Variants in OBSL1 observed in about 807,000 individuals in gnomAD.
The protein encoded by OBSL1 is obscurin-like protein 1.
OBSL1 carries 160 observed loss-of-function variants against 172.0 expected under a neutral mutation model. That is an observed-to-expected ratio of 0.93 (90% CI 0.82 to 1.06). The LOEUF (loss-of-function observed/expected upper bound fraction) is 1.06. Ranked by LOEUF, OBSL1 falls within the 50% of genes least tolerant of loss-of-function variation. The pLI is 0.00. For missense variants in OBSL1, 2,681 were observed against 2,715.4 expected, an observed-to-expected ratio of 0.99 and a Z score of 0.28; for synonymous variants, 1,200 against 1,196.3, an observed-to-expected ratio of 1.00 and a Z score of -0.06.
At chr2:219,553,785 G>C in intron 15 of OBSL1, 99 bp from the exon 16 acceptor site, 1 of 748,014 alleles carries the variant, frequency 1.3e-6, no homozygotes, top group African/African-American at 1.7e-5. Flanking sequence ...AGGCAGTAGA[G>C]GACACTAGCG....
chr2:219,565,648 G>T, intron 5 of OBSL1, 134 bp from the exon 6 acceptor site: 1 of 812,658 alleles, frequency 1.2e-6, no homozygotes, highest in Non-Finnish European at 1.9e-6. Flanking sequence ...ACCCTTAAGA[G>T]CAGTGCTTTG....
At chr2:219,561,109 G>A (rs1232482397) in intron 8 of OBSL1, among the ~76,000 whole-genome samples, 1 of 152,172 alleles carries the variant, frequency 6.6e-6, no homozygotes, top group Admixed American at 6.5e-5. Flanking sequence ...GGCCTCTTAG[G>A]CATTGTGGGC....
chr2:219,571,425 G>C lies in OBSL1; in HGVS notation c.-193C>G, dbSNP rs527279148. 3 of 337,096 alleles carry C rather than the reference G, an allele frequency of 8.9e-6. No individual in the cohort carries two copies. The Admixed American group carries it at 1.5e-4, about 17-fold the overall frequency. The allele number at this position is 337,096 out of a possible 1,614,324, so 20.9% of individuals were successfully genotyped here. A position where few individuals can be genotyped will look rare whatever the true frequency, so the allele number is the denominator to read the frequency against. ...CCCCGAGCTGCAGCTCTGCGGCGGC[G>C]GCGGCGGCGATTCCCGGGCCCGAAG... is the stretch of plus-strand genomic sequence containing the variant. On this transcript the variant is annotated 5_prime_UTR_variant, in exon 1 of 21. Transcript: ENST00000404537.
intron 6 of OBSL1, 128 bp downstream of exon 6, chr2:219,565,112 CAT>C (rs1384722596): frequency 1.3e-5 from 12 of 929,138 alleles, no homozygotes; most frequent in Non-Finnish European, 1.9e-5. Context: ...TTATCTGAAA[CAT>C]GTCCCCTGGG....
In OBSL1 at chr2:219,570,633, C is replaced by T. The variant is rs373739744; in HGVS notation, c.600G>A (p.Arg200=). 1.1e-3 allele frequency: 1,589 copies of T among 1,511,244 alleles called. 32 individuals are homozygous for T. The South Asian group carries it at 0.019, about 18-fold the overall frequency. 93.6% of individuals were successfully genotyped at this position (1,511,244 alleles called of 1,614,324 possible). ...ASLALRILAA[R]LPDSGVYVCH... is the part of the protein sequence containing the mutation. ...ACACGTAGACGCCGGAATCCGGCAG[C>T]CGAGCCGCCAGGATGCGCAGTGCCA... is the stretch of plus-strand genomic sequence containing the variant. The change falls in exon 1 of 21, where the codon CGG becomes CGA. Residue 200 remains arginine (R), a synonymous_variant. Coordinates refer to ENST00000404537, the MANE Select transcript of OBSL1 (RefSeq NM_015311.3).
downstream of OBSL1, chr2:219,549,943 T>C (rs1695516954): frequency 6.5e-7 from 1 of 1,535,524 alleles, no homozygotes; most frequent in Non-Finnish European, 8.9e-7. Context: ...TGGCTTTGGC[T>C]GTCCCTCTCC....
intron 19 of OBSL1, 149 bp from the exon 20 acceptor site, chr2:219,551,947 C>A (rs1283434683): frequency 3.3e-6 from 3 of 907,728 alleles, no homozygotes; most frequent in Non-Finnish European, 3.4e-6. Context: ...CCAAAGTCTC[C>A]TCTTGCCGGG....
At chr2:219,562,088 C>T (rs1696522054) in intron 8 of OBSL1, 1 of 704,730 alleles carries the variant, frequency 1.4e-6, no homozygotes. Flanking sequence ...TAACAGCTGC[C>T]TCCTCACCTA....
At position 219,554,600 on chromosome 2, in the gene OBSL1, T is replaced by G. The variant is rs1233221365; in HGVS notation, c.4750A>C (p.Lys1584Gln). 1 of 1,613,102 alleles carries G rather than the reference T, an allele frequency of 6.2e-7. No homozygotes were observed. The highest frequency in any genetic ancestry group is 1.3e-5 in the African/African-American group (1 of 74,882). ...TGGCCGTCCGAGTGGATGTGACACT[T>G]GGGTCCTGGATACAGCTGTACTCCA... ...RGGVQLYPGP[K>Q]CHIHSDGHRH... The change falls in exon 15 of 21, where the codon AAG becomes CAG. Residue 1584 changes from lysine (K) to glutamine (Q), a missense_variant. Coordinates refer to ENST00000404537, the MANE Select transcript of OBSL1 (RefSeq NM_015311.3).
chr2:219,565,106 C>G, intron 6 of OBSL1, 136 bp downstream of exon 6: 1 of 891,900 alleles, frequency 1.1e-6, no homozygotes, highest in Non-Finnish European at 1.6e-6. Flanking sequence ...GCAGAGTTAT[C>G]TGAAACATGT....
Position 219,556,682 on chromosome 2 carries a change from T to C in OBSL1, c.4108A>G (p.Thr1370Ala). ...GTGGCATCATCGCCCTCGTGGACAG[T>C]GAGTGGTGTCAGCTCCGAGACCAGC... ...VKLVSELTPL[T>A]VHEGDDATFR... Residue 1370 changes from threonine (T) to alanine (A), a missense_variant, in exon 13 of 21, where the codon ACT (threonine) becomes GCT (alanine). By Grantham distance (58) the Thr-to-Ala change is moderately conservative. Coordinates refer to ENST00000404537, the MANE Select transcript of OBSL1 (RefSeq NM_015311.3). The C allele has an allele frequency of 3.1e-6, 5 of 1,610,238 alleles. No individual in the cohort carries two copies. Among genetic ancestry groups the C allele is most frequent in the African/African-American group, 1.3e-5 (1 of 74,930 alleles).
chr2:219,561,188 G>A (rs898692637), intron 8 of OBSL1, among the ~76,000 whole-genome samples: 7 of 152,162 alleles, frequency 4.6e-5, no homozygotes, highest in Admixed American at 2.6e-4. Flanking sequence ...TGCATGGGGC[G>A]TGACTTTCAG....
At chr2:219,567,222 G>C in intron 4 of OBSL1, 51 bp downstream of exon 4, 1 of 1,557,832 alleles carries the variant, frequency 6.4e-7, no homozygotes, top group Admixed American at 1.8e-5. Context: ...CAGCACTGAG[G>C]GCTGGGGAAG....
chr2:219,560,036 T>G (rs1696348270), intron 8 of OBSL1, among the ~76,000 whole-genome samples: 1 of 152,212 alleles, frequency 6.6e-6, no homozygotes, highest in South Asian at 2.1e-4. Flanking sequence ...TTTGGAACCA[T>G]GGATAAGGGA....
downstream of OBSL1, chr2:219,549,308 G>A (rs144155668): frequency 9.2e-5 from 148 of 1,613,710 alleles, no homozygotes; most frequent in South Asian, 4.4e-5. Flanking sequence ...GCTTATCGGC[G>A]CAGGCCAGTG....
chr2:219,570,611 C>CG lies in OBSL1; in HGVS notation c.621dup (p.Val208ArgfsTer46). The CG allele has an allele frequency of 1.3e-6, 2 of 1,516,104 alleles. No homozygotes were observed. The highest frequency in any genetic ancestry group is 1.8e-6 in the Non-Finnish European group (2 of 1,136,320). The allele number at this position is 1,516,104 out of a possible 1,614,324, so 93.9% of individuals were successfully genotyped here. A position where few individuals can be genotyped will look rare whatever the true frequency, so the allele number is the denominator to read the frequency against. On this transcript the variant is annotated frameshift_variant, in exon 1 of 21. Coordinates refer to ENST00000404537, the MANE Select transcript of OBSL1 (RefSeq NM_015311.3). LOFTEE classifies it high-confidence loss of function. ...CCGTGCGCGTTGCGGGCGTGGCACACGTAGACGCCGGAATCCGGCAGCCGA... is the reference window on the plus strand; with the variant it reads ...CCGTGCGCGTTGCGGGCGTGGCACACGGTAGACGCCGGAATCCGGCAGCCGA...
intron 8 of OBSL1, 137 bp from the exon 9 acceptor site, chr2:219,559,634 A>G (rs1398416855): frequency 1.3e-6 from 1 of 773,234 alleles, no homozygotes; most frequent in Non-Finnish European, 2.0e-6. Context: ...TAATAGGTCC[A>G]CAGTTTGTTC....
At chr2:219,548,953 C>A (rs1341599836), downstream of OBSL1, 3 of 605,694 alleles carry the variant, frequency 5.0e-6, no homozygotes, top group East Asian at 5.6e-5. Flanking sequence ...CCATAAAGAC[C>A]TATGGAAGAA....
rs558700334 is a variant in OBSL1 at position 219,554,480 on chromosome 2, C to T, written c.4870G>A (p.Val1624Met). 1.9e-6 allele frequency: 3 copies of T among 1,612,994 alleles called. No individual in the cohort carries two copies. Among genetic ancestry groups the T allele is most frequent in the South Asian group, 2.2e-5 (2 of 91,074 alleles). ...DSLRCAARLI[V>M]REVPVTIVRG... ...GTGGTCCTGGAGGCCACACCTCTCA[C>T]AATGAGTCTGGCTGCGCAGCGCAGG... Residue 1624 changes from valine to methionine, a missense_variant, in exon 15 of 21, where the codon GTG (valine) becomes ATG (methionine). Physicochemically the swap from Val to Met is conservative, Grantham distance 21 (BLOSUM62 1). Transcript: ENST00000404537.
Sources: gnomAD v4.1 joint callset for allele counts (sites outside exome capture counted in the v4.1 genomes callset) on GRCh38, gnomAD v4.1.1 for gene constraint, MANE v1.5 for transcripts, NCBI Gene and HGNC (gene_info 2026-07-23, HGNC 2026-07-21) for gene names.